The following PAQR6 variants were observed in gnomAD, a reference collection of about 807,000 sequenced individuals.
PAQR6 encodes the protein membrane progestin receptor delta.
In PAQR6, 34 loss-of-function variants were observed where a neutral mutation model predicts 36.2. The observed-to-expected ratio is 0.94, with a 90% CI of 0.71 to 1.25. PAQR6 has a LOEUF of 1.25. Among genes scored for constraint, PAQR6 ranks in the 50% most tolerant of loss-of-function variants. The probability of loss-of-function intolerance (pLI) is 0.00; values close to 1 mark genes in which losing one functional copy is unlikely to be tolerated. For missense variants in PAQR6, 431 were observed against 445.7 expected, an observed-to-expected ratio of 0.97 and a Z score of 0.30; for synonymous variants, 190 against 190.7, an observed-to-expected ratio of 1.00 and a Z score of 0.03.
At chr1:156,244,452 C>A (rs1018730289) in intron 7 of PAQR6, 49 bp from the exon 8 acceptor site, 3 of 1,449,630 alleles carry the variant, frequency 2.1e-6, no homozygotes, top group Non-Finnish European at 1.8e-6. Flanking sequence ...CAGTGCAAGT[C>A]ACCCCATCCT....
intron 5 of PAQR6, 136 bp downstream of exon 5, chr1:156,245,399 T>G: frequency 7.0e-7 from 1 of 1,429,464 alleles, no homozygotes; most frequent in East Asian, 2.3e-5. Context: ...CATCTGTATG[T>G]GGGGATAAAG....
rs1260647683 is a variant in PAQR6, at chr1:156,246,681, C to G, written c.51G>C (p.Arg17=). Residue 17 remains arginine (R), a splice_region_variant and synonymous_variant, in exon 2 of 8, where the codon CGG becomes CGC. Coordinates refer to ENST00000292291, the MANE Select transcript of PAQR6 (RefSeq NM_198406.3). Reference sequence around the variant, plus strand: ...TGGGTCAGTGGGTGGAGCCCCTCACCCGGGGGACCTGGTGGACTTGAAGAA... The same window carrying G: ...TGGGTCAGTGGGTGGAGCCCCTCACGCGGGGGACCTGGTGGACTTGAAGAA... ...PQLLQVHQVP[R]VFWEDGIMSG... 1 of 1,613,518 alleles carries G rather than the reference C, an allele frequency of 6.2e-7. No homozygotes were observed. The highest frequency in any genetic ancestry group is 1.3e-5 in the African/African-American group (1 of 74,882).
chr1:156,245,325 A>G, intron 5 of PAQR6, 87 bp from the exon 6 acceptor site: 1 of 1,415,642 alleles, frequency 7.1e-7, no homozygotes, highest in Non-Finnish European at 9.9e-7. Flanking sequence ...GCAAAGATGG[A>G]ATATCAGCAC....
rs1327334832 is a variant in PAQR6, at chr1:156,248,050, G to C, written c.-119C>G. 6.5e-6 allele frequency: 3 copies of C among 460,248 alleles called. No individual in the cohort carries two copies. Among genetic ancestry groups the C allele is most frequent in the Non-Finnish European group, 1.4e-5 (3 of 221,646 alleles). 28.5% of individuals were successfully genotyped at this position (460,248 alleles called of 1,614,324 possible). On this transcript the variant is annotated 5_prime_UTR_variant, in exon 1 of 8. Transcript: ENST00000292291. ...GCTGCTGCCAGCCAGGCTGATGGAG[G>C]AAGAGTGGCCAGGCAGGCGGGCCAG...
At position 156,243,941 on chromosome 1, in the gene PAQR6, T is replaced by G. The variant is rs1487068552; in HGVS notation, c.*188A>C. 13 of 1,614,090 alleles carry G rather than the reference T, an allele frequency of 8.1e-6. No homozygotes were observed. The highest frequency in any genetic ancestry group is 1.1e-5 in the Non-Finnish European group (13 of 1,179,980). On this transcript the variant is annotated 3_prime_UTR_variant, in exon 8 of 8. Coordinates refer to ENST00000292291, the MANE Select transcript of PAQR6 (RefSeq NM_198406.3). ...CCATCAAGAGCCCCCTCACGGTCCC[T>G]CTCACACTCTGCCAGTCCCCCTAGA...
At position 156,245,126 on chromosome 1, in the gene PAQR6, C is replaced by T. The variant is rs1203863748; in HGVS notation, c.609+16G>A. 1.9e-6 allele frequency: 3 copies of T among 1,610,622 alleles called. No homozygotes were observed. The highest frequency in any genetic ancestry group is 2.5e-6 in the Non-Finnish European group (3 of 1,177,434). On this transcript the variant is annotated intron_variant, in intron 6 of 7. Transcript: ENST00000292291. ...AGGAAAGCAGGAGTCTGGGCAGGGG[C>T]CCTAGGCCTCCTTACCCGATAAAAG...
rs1483124701 is a variant in PAQR6, at chr1:156,244,565, G to A, written c.761-162C>T. The A allele has an allele frequency of 2.9e-6, 4 of 1,388,878 alleles. No individual in the cohort carries two copies. In the African/African-American group the frequency reaches 4.4e-5, roughly 15 times the overall value. 86.0% of individuals were successfully genotyped at this position (1,388,878 alleles called of 1,614,324 possible). On this transcript the variant is annotated intron_variant, in intron 7 of 7. Coordinates refer to ENST00000292291, the MANE Select transcript of PAQR6 (RefSeq NM_198406.3). Reference sequence around the variant, plus strand: ...GTGTGCATGTGGCCCCAGCACACATGCTACTAGTTTTGCTACCTGAGAAGT... The same window carrying A: ...GTGTGCATGTGGCCCCAGCACACATACTACTAGTTTTGCTACCTGAGAAGT...
In PAQR6 at chr1:156,245,137, C is replaced by A; in HGVS notation, c.609+5G>T. On this transcript the variant is annotated splice_donor_5th_base_variant and intron_variant, in intron 6 of 7. Transcript: ENST00000292291. ...AGTCTGGGCAGGGGCCCTAGGCCTC[C>A]TTACCCGATAAAAGAGTGGGAGGTT... The A allele has an allele frequency of 6.2e-7, 1 of 1,612,768 alleles. No homozygotes were observed. Among genetic ancestry groups the A allele is most frequent in the Non-Finnish European group, 8.5e-7 (1 of 1,179,088 alleles).
intron 7 of PAQR6, 174 bp from the exon 8 acceptor site, chr1:156,244,577 G>A (rs974550153): frequency 4.2e-6 from 6 of 1,418,230 alleles, no homozygotes; most frequent in Admixed American, 2.6e-5. Context: ...TACTAGTTTT[G>A]CTACCTGAGA....
rs1171902853 is a variant in PAQR6 at position 156,244,801 on chromosome 1, G to T, written c.720C>A (p.His240Gln). 2 of 1,613,566 alleles carry T rather than the reference G, an allele frequency of 1.2e-6. No homozygotes were observed. Among genetic ancestry groups the T allele is most frequent in the Middle Eastern group, 1.6e-4 (1 of 6,084 alleles). ...GTCCTGGTGCCAGCCTTTCAGGCAGGTGGGAGGCGAAGAGGAAGCCAGTGA... is the reference window on the plus strand; with the variant it reads ...GTCCTGGTGCCAGCCTTTCAGGCAGTTGGGAGGCGAAGAGGAAGCCAGTGA... ...ALLTGFLFAS[H>Q]LPERLAPGRF... The change falls in exon 7 of 8, where the codon CAC becomes CAA. Residue 240 changes from histidine (H) to glutamine (Q), a missense_variant. His to Gln is a conservative substitution (Grantham distance 24). Transcript: ENST00000292291.
Position 156,245,680 on chromosome 1 carries a change from G to A in PAQR6, c.386-19C>T, listed in dbSNP as rs773813500. 1.9e-6 allele frequency: 3 copies of A among 1,608,896 alleles called. No homozygotes were observed. Among genetic ancestry groups the A allele is most frequent in the Non-Finnish European group, 2.5e-6 (3 of 1,178,012 alleles). ...GCGCAGCCTGCGGTGAGGTGGGGGC[G>A]TGCAGCTGAGGCCTGAGGGGCGCGC... On this transcript the variant is annotated intron_variant, in intron 4 of 7. Coordinates refer to ENST00000292291, the MANE Select transcript of PAQR6 (RefSeq NM_198406.3).
At chr1:156,244,700 C>CT in intron 7 of PAQR6, 61 bp downstream of exon 7, 1 of 1,612,898 alleles carries the variant, frequency 6.2e-7, no homozygotes, top group South Asian at 1.1e-5. Flanking sequence ...CCAGTTCATT[C>CT]TGTGCTCTGG....
intron 6 of PAQR6, 98 bp from the exon 7 acceptor site, chr1:156,245,009 C>T (rs2103167757): frequency 1.3e-6 from 2 of 1,594,578 alleles, no homozygotes; most frequent in Non-Finnish European, 1.7e-6. Context: ...GCGGGCACAG[C>T]TAGGCGGGGT....
intron 4 of PAQR6, 29 bp downstream of exon 4, chr1:156,245,753 C>T: frequency 6.4e-7 from 1 of 1,571,680 alleles, no homozygotes. Context: ...GACGCCCAGA[C>T]CCCGCGCTCC....
chr1:156,244,615 A>G, intron 7 of PAQR6, 146 bp downstream of exon 7: 1 of 1,491,960 alleles, frequency 6.7e-7, no homozygotes, highest in Non-Finnish European at 9.0e-7. Flanking sequence ...CCTTCCAGTG[A>G]TGCTCTCGTT....
intron 1 of PAQR6, among the ~76,000 whole-genome samples, chr1:156,247,038 G>A (rs1326552154): frequency 6.6e-6 from 1 of 152,134 alleles, no homozygotes; most frequent in Non-Finnish European, 1.5e-5. Flanking sequence ...CCGGGAGGCT[G>A]CCTCAAATAG....
Position 156,246,125 on chromosome 1 carries a change from G to A in PAQR6, c.177C>T (p.Thr59=), listed in dbSNP as rs1305892621. ...TVNIWTHFLP[T]WYFLWRLLAL... is the part of the protein sequence containing the mutation. ...CCTGGGGCGGAGCCTCCCCTCACCA[G>A]GTGGGCAGGAAGTGAGTCCAGATGT... Residue 59 remains threonine (T), a splice_region_variant and synonymous_variant, in exon 3 of 8, where the codon ACC becomes ACT. Transcript: ENST00000292291. 7 of 1,611,966 alleles carry A rather than the reference G, an allele frequency of 4.3e-6. No individual in the cohort carries two copies. The highest frequency in any genetic ancestry group is 1.7e-5 in the Admixed American group (1 of 60,034).
chr1:156,243,435 T>TTTTA lies in PAQR6; in HGVS notation c.*690_*693dup. ...GAAAGTGCTTTCCAAAGTTTTATTT[T>TTTTA]TTTATTTGTACCTGCCTTGTTCCAG... On this transcript the variant is annotated 3_prime_UTR_variant, in exon 8 of 8. Transcript: ENST00000292291. 3 of 511,736 alleles carry TTTTA rather than the reference T, an allele frequency of 5.9e-6. No individual in the cohort carries two copies. The South Asian group carries it at 9.3e-5, about 16-fold the overall frequency. The allele number at this position is 511,736 out of a possible 1,614,324, so 31.7% of individuals were successfully genotyped here. A position where few individuals can be genotyped will look rare whatever the true frequency, so the allele number is the denominator to read the frequency against.
rs1268265913 is a variant in PAQR6, at chr1:156,246,766, G to C, written c.-25-10C>G. 6.2e-7 allele frequency: 1 copy of C among 1,607,664 alleles called. No homozygotes were observed. The highest frequency in any genetic ancestry group is 1.7e-5 in the Admixed American group (1 of 59,380). ...GTACCTCCACGTTGACCTAGAGACAGAGTGGGAGGTAGGGGATCAGATAAC... is the reference window on the plus strand; with the variant it reads ...GTACCTCCACGTTGACCTAGAGACACAGTGGGAGGTAGGGGATCAGATAAC... On this transcript the variant is annotated splice_polypyrimidine_tract_variant and intron_variant, in intron 1 of 7. Transcript: ENST00000292291.
Sources: gnomAD v4.1 joint callset for allele counts (sites outside exome capture counted in the v4.1 genomes callset) on GRCh38, gnomAD v4.1.1 for gene constraint, MANE v1.5 for transcripts, NCBI Gene and HGNC (gene_info 2026-07-23, HGNC 2026-07-21) for gene names.